The following CDK14 variants were observed in gnomAD, a reference collection of about 807,000 sequenced individuals.
CDK14 encodes the protein cyclin dependent kinase 14.
Under a neutral mutation model 60.7 loss-of-function variants are expected in CDK14, and 34 were observed. The ratio of observed to expected loss-of-function variants is 0.56; its 90% confidence interval spans 0.43 to 0.75. The LOEUF (loss-of-function observed/expected upper bound fraction) is 0.75. Among genes scored for constraint, CDK14 ranks in the 30% least tolerant of loss-of-function variants. The probability of loss-of-function intolerance (pLI) is 0.00; values close to 1 mark genes in which losing one functional copy is unlikely to be tolerated. For missense variants in CDK14, 482 were observed against 564.1 expected (o/e 0.85, Z 1.47); for synonymous variants, 197 against 203.7 (o/e 0.97, Z 0.28).
At chr7:90,672,502 GTTTTTTTT>G (rs201978996) in intron 2 of CDK14, among the ~76,000 whole-genome samples, 278 of 49,970 alleles carry the variant, frequency 5.6e-3, no homozygotes, top group African/African-American at 0.018. Context: ...TTCTTCTTCT[GTTTTTTTT>G]TTTTTTTTTT....
intron 5 of CDK14, among the ~76,000 whole-genome samples, chr7:90,810,007 C>T (rs1018001113): frequency 6.6e-6 from 1 of 152,140 alleles, no homozygotes; most frequent in East Asian, 1.9e-4. Flanking sequence ...AAGTCCAGGA[C>T]CAGATGGATT....
At chr7:90,734,277 A>T (rs1366019749) in intron 3 of CDK14, among the ~76,000 whole-genome samples, 1 of 151,750 alleles carries the variant, frequency 6.6e-6, no homozygotes. Flanking sequence ...GACTCTGAGG[A>T]TTATGTGTCT....
chr7:91,175,401 T>C (rs1433686785), intron 14 of CDK14, among the ~76,000 whole-genome samples: 1 of 151,462 alleles, frequency 6.6e-6, no homozygotes, highest in African/African-American at 2.4e-5. Context: ...CTGCATCAAC[T>C]AACGAGCAAA....
chr7:90,950,552 A>G (rs1269382641), intron 8 of CDK14, among the ~76,000 whole-genome samples: 1 of 152,186 alleles, frequency 6.6e-6, no homozygotes, highest in East Asian at 1.9e-4. Context: ...GTGATTTTGT[A>G]AGTGCAGAGA....
In CDK14 at chr7:90,679,398, C is replaced by T. The variant is rs1801268503; in HGVS notation, c.124-47169C>T. On this transcript the variant is annotated intron_variant, in intron 2 of 14. Transcript: ENST00000380050. ...TTATTTAAGTTTTTAAATAATTTAC[C>T]TGAAGTATTTCTATGTGTGTTTGAT... 1.3e-5 allele frequency among the ~76,000 whole-genome samples: 2 copies of T among 152,042 alleles called. 1 individual carries two copies.
intron 6 of CDK14, among the ~76,000 whole-genome samples, chr7:90,874,095 G>C (rs992201532): frequency 2.6e-5 from 4 of 152,122 alleles, no homozygotes; most frequent in African/African-American, 9.7e-5. Flanking sequence ...TCTGCCTGGT[G>C]TATCTTTCCT....
chr7:90,856,277 C>T (rs1455822598), intron 5 of CDK14, among the ~76,000 whole-genome samples: 1 of 152,178 alleles, frequency 6.6e-6, no homozygotes, highest in Non-Finnish European at 1.5e-5. Flanking sequence ...CCTCTTTCCT[C>T]CATAACCCAC....
chr7:90,762,536 T>C (rs1480417225), intron 4 of CDK14, among the ~76,000 whole-genome samples: 1 of 152,178 alleles, frequency 6.6e-6, no homozygotes, highest in Non-Finnish European at 1.5e-5. Context: ...TAAAATGTAA[T>C]TGGTCTAAAG....
Position 90,954,618 on chromosome 7 carries a change from CT to C in CDK14, c.827-1055del, listed in dbSNP as rs1190916427. ...AATGTATTTTCTGCCAAACTTTTTT[CT>C]TTTTTTTTTTTTTTTTTTTTTTTGA... is the stretch of plus-strand genomic sequence containing the variant. On this transcript the variant is annotated intron_variant, in intron 8 of 14. Coordinates refer to ENST00000380050, the MANE Select transcript of CDK14 (RefSeq NM_001287135.2). Among the ~76,000 whole-genome samples, 10 of 27,070 alleles carry C rather than the reference CT, an allele frequency of 3.7e-4. 1 individual carries two copies. Among genetic ancestry groups the C allele is most frequent in the Non-Finnish European group, 1.8e-4 (2 of 10,938 alleles). 17.8% of individuals were successfully genotyped at this position (27,070 alleles called of 152,430 possible). A position where few individuals can be genotyped will look rare whatever the true frequency, so the allele number is the denominator to read the frequency against.
intron 12 of CDK14, among the ~76,000 whole-genome samples, chr7:91,089,445 C>T (rs950139093): frequency 6.6e-6 from 1 of 152,032 alleles, no homozygotes; most frequent in African/African-American, 2.4e-5. Context: ...ATATACCCAA[C>T]CTCCTCCCCT....
At position 90,777,311 on chromosome 7, in the gene CDK14, T is replaced by C. The variant is rs551504897; in HGVS notation, c.465-13262T>C. Among the ~76,000 whole-genome samples the C allele has an allele frequency of 2.6e-5, 4 of 152,294 alleles. 1 individual carries two copies. The highest frequency in any genetic ancestry group is 7.2e-5 in the African/African-American group (3 of 41,568). On this transcript the variant is annotated intron_variant, in intron 4 of 14. Transcript: ENST00000380050. ...CGTGGTAAGGACTTGGCTCATTTGT[T>C]TACCACTGAGCTTTCAACTATGAGG...
chr7:91,084,684 A>G (rs1204634186), intron 12 of CDK14, among the ~76,000 whole-genome samples: 5 of 152,190 alleles, frequency 3.3e-5, no homozygotes, highest in Non-Finnish European at 5.9e-5. Flanking sequence ...GCTATTTGTT[A>G]TCTGTTGGAC....
At chr7:91,130,622 C>T (rs541610648) in intron 14 of CDK14, among the ~76,000 whole-genome samples, 1 of 152,164 alleles carries the variant, frequency 6.6e-6, no homozygotes, top group Admixed American at 6.6e-5. Context: ...CTGGATCTCT[C>T]GATTTAATAT....
chr7:90,890,305 T>C (rs377409356), intron 6 of CDK14, among the ~76,000 whole-genome samples: 14 of 152,268 alleles, frequency 9.2e-5, no homozygotes, highest in Middle Eastern at 3.4e-3. Context: ...TCTAGGACTT[T>C]GAAGTTATGG....
In CDK14 at chr7:91,058,946, T is replaced by C. The variant is rs569933840; in HGVS notation, c.1105+12986T>C. On this transcript the variant is annotated intron_variant, in intron 11 of 14. Coordinates refer to ENST00000380050, the MANE Select transcript of CDK14 (RefSeq NM_001287135.2). ...AATGAGTTAGGGAGGATTTCCTCTT[T>C]TTCTATTGATTGGAGTAGCTTCAGA... Among the ~76,000 whole-genome samples, 116 of 152,354 alleles carry C rather than the reference T, an allele frequency of 7.6e-4. 1 individual carries two copies. The highest frequency in any genetic ancestry group is 2.7e-3 in the African/African-American group (112 of 41,576).
chr7:91,143,715 AAAT>A (rs1562922942), intron 14 of CDK14, among the ~76,000 whole-genome samples: 6 of 152,172 alleles, frequency 3.9e-5, no homozygotes, highest in African/African-American at 1.2e-4. Flanking sequence ...CCTGTCTCTA[AAAT>A]AATAATAATA....
intron 7 of CDK14, among the ~76,000 whole-genome samples, chr7:90,900,023 A>G (rs181887540): frequency 1.3e-4 from 20 of 152,302 alleles, no homozygotes; most frequent in African/African-American, 4.8e-4. Context: ...CTGAGAACCA[A>G]TTGAGTATTA....
chr7:91,050,612 T>A lies in CDK14; in HGVS notation c.1105+4652T>A, dbSNP rs527912571. Among the ~76,000 whole-genome samples the A allele has an allele frequency of 2.0e-5, 3 of 152,330 alleles. No individual in the cohort carries two copies. The East Asian group carries it at 5.8e-4, about 29-fold the overall frequency. On this transcript the variant is annotated intron_variant, in intron 11 of 14. Coordinates refer to ENST00000380050, the MANE Select transcript of CDK14 (RefSeq NM_001287135.2). ...CAGGTCACAATGGTATTATATATTA[T>A]AAAGTATGTGCATGTTACATACAAT...
chr7:91,153,589 A>G (rs1811158), intron 14 of CDK14, among the ~76,000 whole-genome samples: 8,967 of 152,230 alleles, frequency 0.059, 388 homozygotes, highest in Admixed American at 0.14. Context: ...AGGGACATGG[A>G]TGGAGCTGGA....
Sources: allele counts gnomAD v4.1 joint callset (sites outside exome capture counted in the v4.1 genomes callset), GRCh38; gene constraint gnomAD v4.1.1; transcripts MANE v1.5; gene names NCBI Gene and HGNC (gene_info 2026-07-23, HGNC 2026-07-21).